MIS18A: variants seen among roughly 807,000 people sequenced by gnomAD.
MIS18A encodes MIS18 kinetochore protein A.
A neutral mutation model predicts 25.0 loss-of-function variants in MIS18A; 14 were observed. The observed-to-expected ratio is 0.56, with a 90% CI of 0.37 to 0.88. MIS18A has a LOEUF of 0.88. MIS18A is among the 40% of genes least tolerant of loss of function. The probability of loss-of-function intolerance (pLI) is 0.00; values close to 1 mark genes in which losing one functional copy is unlikely to be tolerated. For missense variants in MIS18A, 292 were observed against 290.8 expected, an observed-to-expected ratio of 1.00 and a Z score of -0.03; for synonymous variants, 134 against 118.6, an observed-to-expected ratio of 1.13 and a Z score of -0.84.
At chr21:32,154,919 G>A in the MIS18A span, among the ~76,000 whole-genome samples, 8 of 152,114 alleles carry the variant, frequency 5.3e-5, no homozygotes, top group African/African-American at 1.4e-4. Context: ...AAAACCAAAA[G>A]GCAAAGTTGC....
downstream of MIS18A, among the ~76,000 whole-genome samples, chr21:32,266,594 G>C (rs564378073): frequency 8.6e-5 from 13 of 151,654 alleles, no homozygotes; most frequent in African/African-American, 2.4e-5. Context: ...CTCCAGACGC[G>C]CTGCCTTAAG....
chr21:32,214,920 T>A, the MIS18A span, among the ~76,000 whole-genome samples: 4 of 152,054 alleles, frequency 2.6e-5, no homozygotes, highest in East Asian at 1.9e-4. Flanking sequence ...CCAGTGTGAG[T>A]CAAGACCACT....
At chr21:32,162,438 AC>A in the MIS18A span, among the ~76,000 whole-genome samples, 2 of 152,076 alleles carry the variant, frequency 1.3e-5, no homozygotes, top group African/African-American at 4.8e-5. Flanking sequence ...TCTGTGGGAG[AC>A]GGGGGATCTT....
chr21:32,235,131 A>C, the MIS18A span, among the ~76,000 whole-genome samples: 1 of 152,170 alleles, frequency 6.6e-6, no homozygotes, highest in African/African-American at 2.4e-5. Flanking sequence ...TATTGCTCCC[A>C]GGTCCCTTTT....
At chr21:32,191,497 C>T in the MIS18A span, among the ~76,000 whole-genome samples, 5 of 152,122 alleles carry the variant, frequency 3.3e-5, no homozygotes, top group Admixed American at 1.3e-4. Flanking sequence ...GAGGCTGAGG[C>T]GGAAGGATCA....
the MIS18A span, among the ~76,000 whole-genome samples, chr21:32,221,006 T>G: frequency 1.3e-5 from 2 of 152,124 alleles, no homozygotes; most frequent in African/African-American, 4.8e-5. Flanking sequence ...TACGTTTGAT[T>G]GGTGTACCTG....
the MIS18A span, among the ~76,000 whole-genome samples, chr21:32,188,157 A>C: frequency 6.6e-6 from 1 of 152,232 alleles, no homozygotes; most frequent in African/African-American, 2.4e-5. Flanking sequence ...AGCTGAGAAA[A>C]GTAAATGTCT....
chr21:32,164,391 A>G, the MIS18A span, among the ~76,000 whole-genome samples: 1 of 152,158 alleles, frequency 6.6e-6, no homozygotes, highest in Non-Finnish European at 1.5e-5. Context: ...CCTTTCAAGA[A>G]GCACACTTTC....
chr21:32,208,468 C>A, the MIS18A span, among the ~76,000 whole-genome samples: 1 of 152,144 alleles, frequency 6.6e-6, no homozygotes, highest in Non-Finnish European at 1.5e-5. Flanking sequence ...TCCCCCTTCA[C>A]CTTCCACCAT....
rs768553596 is a variant in MIS18A at position 32,278,807 on chromosome 21, C to G, written c.208G>C (p.Glu70Gln). ...TCCTCCGCAGCCGCCGCCTCCTCCT[C>G]CAGCTGCGCCCTCTCCATGTCGGCC... is the stretch of plus-strand genomic sequence containing the variant. ...SVADMERAQL[E>Q]EEAAAAEERP... The change falls in exon 1 of 5, where the codon GAG becomes CAG. Residue 70 changes from glutamate to glutamine, a missense_variant. Coordinates refer to ENST00000290130, the MANE Select transcript of MIS18A (RefSeq NM_018944.3). 9.1e-5 allele frequency: 145 copies of G among 1,593,066 alleles called. No individual in the cohort carries two copies. The highest frequency in any genetic ancestry group is 1.2e-4 in the Non-Finnish European group (144 of 1,172,548).
At chr21:32,233,941 G>A in the MIS18A span, among the ~76,000 whole-genome samples, 2 of 152,160 alleles carry the variant, frequency 1.3e-5, no homozygotes, top group African/African-American at 4.8e-5. Flanking sequence ...AACAAGGAAA[G>A]TCTGAGAAAT....
the MIS18A span, among the ~76,000 whole-genome samples, chr21:32,175,718 G>A: frequency 6.6e-6 from 1 of 151,344 alleles, no homozygotes; most frequent in African/African-American, 2.4e-5. Flanking sequence ...GCTGAAGCAG[G>A]AGAATCACTT....
the MIS18A span, among the ~76,000 whole-genome samples, chr21:32,185,146 A>T: frequency 6.6e-6 from 1 of 151,976 alleles, no homozygotes; most frequent in African/African-American, 2.4e-5. Flanking sequence ...ACCCCTTCAG[A>T]CGGGTCTCTC....
At chr21:32,214,225 A>T in the MIS18A span, among the ~76,000 whole-genome samples, 3 of 151,964 alleles carry the variant, frequency 2.0e-5, no homozygotes, top group Non-Finnish European at 4.4e-5. Flanking sequence ...GAGGCCAGAA[A>T]CCCCCATTCT....
the MIS18A span, among the ~76,000 whole-genome samples, chr21:32,195,225 T>A: frequency 1.3e-5 from 2 of 152,224 alleles, no homozygotes; most frequent in Non-Finnish European, 2.9e-5. Flanking sequence ...GAGATGCCTG[T>A]CTTAACTGTA....
At chr21:32,204,780 G>A in the MIS18A span, among the ~76,000 whole-genome samples, 4 of 150,188 alleles carry the variant, frequency 2.7e-5, no homozygotes, top group African/African-American at 4.9e-5. Flanking sequence ...CCAGCAACTC[G>A]GGAGGTTGAG....
chr21:32,155,717 C>G, the MIS18A span, among the ~76,000 whole-genome samples: 2 of 152,088 alleles, frequency 1.3e-5, no homozygotes, highest in African/African-American at 4.8e-5. Context: ...ACACTTTGCC[C>G]TTCAAACAAT....
the MIS18A span, among the ~76,000 whole-genome samples, chr21:32,205,097 C>CTTTTTTTTTTTTTTTT: frequency 1.5e-5 from 1 of 66,182 alleles, no homozygotes; most frequent in Non-Finnish European, 2.5e-5. Flanking sequence ...AGAACTTGTC[C>CTTTTTTTTTTTTTTTT]TTTTTTTTTT....
At chr21:32,212,545 C>G in the MIS18A span, among the ~76,000 whole-genome samples, 1 of 152,156 alleles carries the variant, frequency 6.6e-6, no homozygotes, top group Non-Finnish European at 1.5e-5. Context: ...TGACTGAGGA[C>G]ACAGGACAGG....
Sources: gnomAD v4.1 joint callset for allele counts (sites outside exome capture counted in the v4.1 genomes callset) on GRCh38, gnomAD v4.1.1 for gene constraint, MANE v1.5 for transcripts, NCBI Gene and HGNC (gene_info 2026-07-23, HGNC 2026-07-21) for gene names.